Variants in SCYL3 observed in about 807,000 individuals in gnomAD.
The protein encoded by SCYL3 is protein-associating with the carboxyl-terminal domain of ezrin.
A neutral mutation model predicts 73.8 loss-of-function variants in SCYL3; 35 were observed. The observed-to-expected ratio is 0.47, with a 90% CI of 0.36 to 0.63. SCYL3 has a LOEUF of 0.63. Ranked by LOEUF, SCYL3 falls within the 20% of genes least tolerant of loss-of-function variation. The probability of loss-of-function intolerance (pLI) is 0.00; values close to 1 mark genes in which losing one functional copy is unlikely to be tolerated. For synonymous variants in SCYL3, 277 were observed against 295.2 expected (o/e 0.94, Z 0.63); for missense variants, 712 against 798.9 (o/e 0.89, Z 1.31).
intron 1 of SCYL3, among the ~76,000 whole-genome samples, chr1:169,889,359 A>G (rs1472294905): frequency 6.6e-6 from 1 of 152,226 alleles, no homozygotes; most frequent in Non-Finnish European, 1.5e-5. Context: ...TAATATTAAT[A>G]TGTTGAAAAA....
chr1:169,873,768 A>T lies in SCYL3; in HGVS notation c.466-16T>A, dbSNP rs1458756539. 5.8e-6 allele frequency: 9 copies of T among 1,563,114 alleles called. No homozygotes were observed. The South Asian group carries it at 1.0e-4, about 18-fold the overall frequency. The stretch of plus-strand genomic sequence containing the variant: ...TCCTCAGAAACTAGACAGAGAAATA[A>T]ATTAAAGAAAATGATTCATACATAT... On this transcript the variant is annotated splice_polypyrimidine_tract_variant and intron_variant, in intron 4 of 12. Coordinates refer to ENST00000367771, the MANE Select transcript of SCYL3 (RefSeq NM_020423.7).
intron 1 of SCYL3, among the ~76,000 whole-genome samples, chr1:169,892,971 G>A (rs1003989676): frequency 6.6e-6 from 1 of 152,176 alleles, no homozygotes; most frequent in Non-Finnish European, 1.5e-5. Context: ...GTATCCAGCG[G>A]TAACGTTACT....
intron 8 of SCYL3, among the ~76,000 whole-genome samples, chr1:169,866,558 T>C (rs1401524685): frequency 6.6e-6 from 1 of 152,238 alleles, no homozygotes; most frequent in Non-Finnish European, 1.5e-5. Context: ...CCTGCACAAG[T>C]CACACTAGGT....
chr1:169,878,942 C>T, intron 2 of SCYL3, 123 bp from the exon 3 acceptor site: 1 of 741,846 alleles, frequency 1.3e-6, no homozygotes, highest in Non-Finnish European at 2.2e-6. Context: ...AGCTCCCTAC[C>T]TTCCTCCCTA....
chr1:169,860,240 T>C (rs1406474115), intron 10 of SCYL3, among the ~76,000 whole-genome samples: 1 of 152,240 alleles, frequency 6.6e-6, no homozygotes, highest in African/African-American at 2.4e-5. Context: ...TAAGTTAGTC[T>C]AACATTCTTA....
intron 6 of SCYL3, 149 bp from the exon 7 acceptor site, chr1:169,869,188 AGGCAAAACTCATT>A: frequency 1.6e-6 from 1 of 618,104 alleles, no homozygotes; most frequent in South Asian, 1.9e-5. Context: ...TGCTTGCCTT[AGGCAAAACTCATT>A]GGCAGGTGTA....
At chr1:169,891,775 G>A (rs979207210) in intron 1 of SCYL3, among the ~76,000 whole-genome samples, 5 of 152,178 alleles carry the variant, frequency 3.3e-5, no homozygotes, top group African/African-American at 1.2e-4. Context: ...GTCACCAGAG[G>A]CAAGAGAAAG....
chr1:169,874,464 G>C (rs182001154), intron 4 of SCYL3, among the ~76,000 whole-genome samples: 17 of 152,288 alleles, frequency 1.1e-4, no homozygotes, highest in African/African-American at 4.1e-4. Flanking sequence ...ACAGAAAGGA[G>C]ATTAAAGCCA....
chr1:169,855,284 C>G (rs1164544079), intron 11 of SCYL3, among the ~76,000 whole-genome samples: 1 of 152,134 alleles, frequency 6.6e-6, no homozygotes, highest in East Asian at 1.9e-4. Context: ...GCAGTGTTAT[C>G]CTTGGGATGT....
Position 169,852,569 on chromosome 1 carries a change from C to T in SCYL3, c.*1144G>A. 1.8e-6 allele frequency: 1 copy of T among 556,796 alleles called. No homozygotes were observed. The highest frequency in any genetic ancestry group is 2.3e-5 in the South Asian group (1 of 44,160). 34.5% of individuals were successfully genotyped at this position (556,796 alleles called of 1,614,324 possible). On this transcript the variant is annotated 3_prime_UTR_variant, in exon 13 of 13. Transcript: ENST00000367771. The stretch of plus-strand genomic sequence containing the variant: ...CAGGATACTTGTTGTATACCACATA[C>T]AAACTAAGACACTGGTAGTAGCACT...
At chr1:169,888,543 T>G in intron 2 of SCYL3, 133 bp downstream of exon 2, 2 of 691,030 alleles carry the variant, frequency 2.9e-6, no homozygotes, top group Non-Finnish European at 4.7e-6. Context: ...AAGAGCAATG[T>G]TTTGAAAGGA....
At chr1:169,862,906 T>A in intron 9 of SCYL3, 109 bp from the exon 10 acceptor site, 1 of 994,584 alleles carries the variant, frequency 1.0e-6, no homozygotes, top group South Asian at 1.6e-5. Context: ...TTCTAAGTAC[T>A]CTTCTAAATT....
In SCYL3 at chr1:169,866,954, C is replaced by T. The variant is rs753205289; in HGVS notation, c.757G>A (p.Val253Met). ...DFFRNDFLEV[V>M]NFLKSLTLKS... is the part of the protein sequence containing the mutation. ...AATGTTAAACTTTTCAAGAAATTCA[C>T]AACTTCCAGAAAATCATTTCTAAAT... Residue 253 changes from valine (V) to methionine (M), a missense_variant, in exon 8 of 13, where the codon GTG becomes ATG. Val to Met is a conservative substitution (Grantham distance 21). Around this residue, in one of 2 missense-constraint regions of SCYL3, gnomAD observed 342 missense variants for 448.1 expected, o/e 0.76. Coordinates refer to ENST00000367771, the MANE Select transcript of SCYL3 (RefSeq NM_020423.7). 1 of 1,589,364 alleles carries T rather than the reference C, an allele frequency of 6.3e-7. No homozygotes were observed. The highest frequency in any genetic ancestry group is 1.1e-5 in the South Asian group (1 of 87,916).
chr1:169,884,442 C>T (rs935187861), intron 2 of SCYL3, among the ~76,000 whole-genome samples: 5 of 152,162 alleles, frequency 3.3e-5, no homozygotes, highest in South Asian at 4.2e-4. Context: ...GGATTACAGG[C>T]GCCCACCACC....
At chr1:169,854,013 C>T (rs1658815799) in intron 12 of SCYL3, 1 of 583,346 alleles carries the variant, frequency 1.7e-6, no homozygotes, top group East Asian at 2.9e-5. Flanking sequence ...TGGATGACAC[C>T]AAATCCTTAT....
chr1:169,878,407 T>A (rs977924611), intron 3 of SCYL3, among the ~76,000 whole-genome samples: 1 of 152,248 alleles, frequency 6.6e-6, no homozygotes, highest in Non-Finnish European at 1.5e-5. Context: ...TAAAATTCTA[T>A]AAGTAACTGT....
intron 1 of SCYL3, among the ~76,000 whole-genome samples, chr1:169,890,536 C>T (rs1405590626): frequency 1.3e-5 from 2 of 152,178 alleles, no homozygotes; most frequent in African/African-American, 4.8e-5. Context: ...AAATTCCATA[C>T]AACACCTTCT....
At chr1:169,856,623 C>A (rs1380581487) in intron 11 of SCYL3, among the ~76,000 whole-genome samples, 1 of 152,202 alleles carries the variant, frequency 6.6e-6, no homozygotes, top group Non-Finnish European at 1.5e-5. Context: ...CAGGCCTCTA[C>A]AAGCCCTCCA....
chr1:169,856,546 C>CT (rs1242677033), intron 11 of SCYL3, among the ~76,000 whole-genome samples: 1 of 152,096 alleles, frequency 6.6e-6, no homozygotes, highest in African/African-American at 2.4e-5. Flanking sequence ...GGGGTAAACT[C>CT]TTAACGATTA....
Sources: gnomAD v4.1 joint callset for allele counts (sites outside exome capture counted in the v4.1 genomes callset) on GRCh38, gnomAD v4.1.1 for gene constraint, gnomAD v4.1.1 regional missense constraint, MANE v1.5 for transcripts, NCBI Gene and HGNC (gene_info 2026-07-23, HGNC 2026-07-21) for gene names.